The following ZBTB38 variants were observed in gnomAD, a reference collection of about 807,000 sequenced individuals.
ZBTB38 encodes the protein zinc finger and BTB domain-containing protein 38.
Under a neutral mutation model 76.8 loss-of-function variants are expected in ZBTB38, and 20 were observed. The observed-to-expected ratio is 0.26, with a 90% CI of 0.18 to 0.38. The LOEUF is 0.38. Among genes scored for constraint, ZBTB38 ranks in the 10% least tolerant of loss-of-function variants. The pLI, the probability that ZBTB38 is intolerant of heterozygous loss-of-function variation, is 1.00. For missense variants in ZBTB38, 1,082 were observed against 1,482.3 expected, an observed-to-expected ratio of 0.73 and a Z score of 4.43; for synonymous variants, 504 against 544.2, an observed-to-expected ratio of 0.93 and a Z score of 1.03.
intron 4 of ZBTB38, among the ~76,000 whole-genome samples, chr3:141,399,835 A>T (rs1951333660): frequency 6.6e-6 from 1 of 152,196 alleles, no homozygotes. Context: ...CAGTTGTAGG[A>T]TAACAGAAAC....
Position 141,404,518 on chromosome 3 carries a change from C to G in ZBTB38, c.-1+487C>G, listed in dbSNP as rs72988361. Among the ~76,000 whole-genome samples the G allele has an allele frequency of 4.0e-3, 611 of 152,254 alleles. 1 individual carries two copies. The highest frequency in any genetic ancestry group is 7.0e-3 in the Non-Finnish European group (473 of 68,016). ...ATGTGAAGAGACCATCCCCGGGACA[C>G]TTGCAGCTGTCGCAGACAAATATTG... On this transcript the variant is annotated intron_variant, in intron 5 of 5. Coordinates refer to ENST00000321464, the MANE Select transcript of ZBTB38 (RefSeq NM_001376113.1).
chr3:141,387,183 C>T (rs1339083464), intron 4 of ZBTB38: 3 of 152,138 alleles, frequency 2.0e-5, no homozygotes, highest in African/African-American at 7.2e-5. Flanking sequence ...ATTTCAACAT[C>T]ACCTTTCATT....
At position 141,442,171 on chromosome 3, in the gene ZBTB38, T is replaced by C. The variant is rs2080427350; in HGVS notation, c.1-218T>C. Reference sequence around the variant, plus strand: ...GAAGGAGTTCTGGGAGGATTTCCAATGATAACAACTATTAGCAATGGTATG... The same window carrying C: ...GAAGGAGTTCTGGGAGGATTTCCAACGATAACAACTATTAGCAATGGTATG... On this transcript the variant is annotated intron_variant, in intron 5 of 5. Transcript: ENST00000321464. This position sits in a 1 kb window ranked among gnomAD's most constrained non-coding sequence, Gnocchi z 6.4. Among the ~76,000 whole-genome samples the C allele has an allele frequency of 6.6e-6, 1 of 152,022 alleles. No homozygotes were observed. The highest frequency in any genetic ancestry group is 2.1e-4 in the South Asian group (1 of 4,832).
At chr3:141,430,233 T>C (rs1347896540) in intron 5 of ZBTB38, among the ~76,000 whole-genome samples, 3 of 151,778 alleles carry the variant, frequency 2.0e-5, no homozygotes, top group Admixed American at 6.6e-5. Flanking sequence ...ACCCGGCTAA[T>C]TTTTTTTGTA....
intron 4 of ZBTB38, chr3:141,396,285 A>T (rs567759815): frequency 6.6e-6 from 1 of 152,632 alleles, no homozygotes; most frequent in Non-Finnish European, 1.5e-5. Context: ...CCTGGAATAG[A>T]TTCCACCTCA....
chr3:141,429,117 A>G (rs1210376811), intron 5 of ZBTB38, among the ~76,000 whole-genome samples: 2 of 152,340 alleles, frequency 1.3e-5, no homozygotes, highest in South Asian at 2.1e-4. Context: ...TTTTGCAAGC[A>G]GACAGACAAT....
chr3:141,402,256 C>T (rs1163854586), intron 4 of ZBTB38: 4 of 151,908 alleles, frequency 2.6e-5, no homozygotes, highest in Non-Finnish European at 4.4e-5. Flanking sequence ...GCCCGCGGGG[C>T]TGCGGGTCGG....
In ZBTB38 at chr3:141,424,178, T is replaced by C. The variant is rs181544008; in HGVS notation, c.1-18211T>C. 2.6e-5 allele frequency among the ~76,000 whole-genome samples: 4 copies of C among 152,384 alleles called. No individual in the cohort carries two copies. In the East Asian group the frequency reaches 5.8e-4, roughly 22 times the overall value. ...ACACCTTCCTTTCTACCAAGCTTTT[T>C]ACTGGAACAGGTAATAAACAGTGAA... On this transcript the variant is annotated intron_variant, in intron 5 of 5. Coordinates refer to ENST00000321464, the MANE Select transcript of ZBTB38 (RefSeq NM_001376113.1).
intron 4 of ZBTB38, among the ~76,000 whole-genome samples, chr3:141,400,927 C>T (rs1951733315): frequency 2.0e-5 from 3 of 152,214 alleles, no homozygotes; most frequent in African/African-American, 2.4e-5. Context: ...GCCCTACCAC[C>T]TCCCACCTTC....
intron 4 of ZBTB38, among the ~76,000 whole-genome samples, chr3:141,390,739 T>G (rs1188127847): frequency 2.6e-5 from 4 of 152,228 alleles, no homozygotes; most frequent in Admixed American, 1.3e-4. Context: ...ACACATTTAT[T>G]GAGCATCTGC....
chr3:141,342,392 C>A (rs867025696), intron 1 of ZBTB38, among the ~76,000 whole-genome samples: 1,420 of 96,614 alleles, frequency 0.015, no homozygotes, highest in Middle Eastern at 0.024. Context: ...GACTCTGTCT[C>A]AAAAAAAAAA....
At chr3:141,434,634 G>T (rs1286602526) in intron 5 of ZBTB38, among the ~76,000 whole-genome samples, 1 of 152,028 alleles carries the variant, frequency 6.6e-6, no homozygotes, top group Non-Finnish European at 1.5e-5. Context: ...ATTATATAAG[G>T]CTGAAGCATA....
chr3:141,347,775 C>T (rs1481591502), intron 1 of ZBTB38, among the ~76,000 whole-genome samples: 1 of 152,230 alleles, frequency 6.6e-6, no homozygotes, highest in South Asian at 2.1e-4. Flanking sequence ...TGTGGCTGTT[C>T]TCAGTGACCC....
At chr3:141,378,987 T>C (rs1426504046) in intron 2 of ZBTB38, among the ~76,000 whole-genome samples, 1 of 152,202 alleles carries the variant, frequency 6.6e-6, no homozygotes, top group African/African-American at 2.4e-5. Context: ...CTTCACCAAA[T>C]GGGCCCTCCT....
At chr3:141,410,228 T>G (rs1026716292) in intron 5 of ZBTB38, among the ~76,000 whole-genome samples, 2 of 152,192 alleles carry the variant, frequency 1.3e-5, no homozygotes, top group Non-Finnish European at 2.9e-5. Context: ...GACTTTGGGT[T>G]CTGCCTTTAA....
At chr3:141,404,748 T>C (rs1477237523) in intron 5 of ZBTB38, among the ~76,000 whole-genome samples, 1 of 152,126 alleles carries the variant, frequency 6.6e-6, no homozygotes, top group Non-Finnish European at 1.5e-5. Flanking sequence ...AATGTGAAAA[T>C]AGAGACAGGT....
chr3:141,442,422 G>A lies in ZBTB38; in HGVS notation c.34G>A (p.Asp12Asn), dbSNP rs979210544. ...TVMSLSRDLKDDFHSDTVLSI... is the reference protein window; with the variant it reads ...TVMSLSRDLKNDFHSDTVLSI... ...CATGTCCCTTTCCAGGGACCTCAAGGACGACTTTCACAGTGACACGGTACT... is the reference window on the plus strand; with the variant it reads ...CATGTCCCTTTCCAGGGACCTCAAGAACGACTTTCACAGTGACACGGTACT... The change falls in exon 6 of 6, where the codon GAC becomes AAC. Residue 12 changes from aspartate (D) to asparagine (N), a missense_variant. Physicochemically the swap from Asp to Asn is conservative, Grantham distance 23. This residue lies in a region of ZBTB38 where 68 missense variants were observed against 153.0 expected (regional missense o/e 0.44). Transcript: ENST00000321464. The surrounding 1 kb of genome is among the most constrained non-coding windows in gnomAD (Gnocchi z 6.4). 13 of 1,613,874 alleles carry A rather than the reference G, an allele frequency of 8.1e-6. No individual in the cohort carries two copies. Among genetic ancestry groups the A allele is most frequent in the Non-Finnish European group, 1.1e-5 (13 of 1,179,924 alleles).
chr3:141,446,224 A>G lies in ZBTB38; in HGVS notation c.*248A>G, dbSNP rs1298272756. On this transcript the variant is annotated 3_prime_UTR_variant, in exon 6 of 6. Transcript: ENST00000321464. ...ATATCCCAAGTTTCTTGTGAAAGTT[A>G]ATAAAATTCTTAGCTGTGGTATTTC... The G allele has an allele frequency of 6.3e-6, 2 of 319,312 alleles. No individual in the cohort carries two copies. Among genetic ancestry groups the G allele is most frequent in the Non-Finnish European group, 1.1e-5 (2 of 176,746 alleles). The allele number at this position is 319,312 out of a possible 1,614,324, so 19.8% of individuals were successfully genotyped here.
chr3:141,404,811 C>T (rs565540024), intron 5 of ZBTB38, among the ~76,000 whole-genome samples: 1 of 152,190 alleles, frequency 6.6e-6, no homozygotes. Flanking sequence ...TCTGTGGGCA[C>T]AGCTCTGTGC....
Sources: allele counts gnomAD v4.1 joint callset (sites outside exome capture counted in the v4.1 genomes callset), GRCh38; gene constraint gnomAD v4.1.1; regional missense constraint gnomAD v4.1.1; non-coding constraint Gnocchi (gnomAD v3.1); transcripts MANE v1.5; gene names NCBI Gene and HGNC (gene_info 2026-07-23, HGNC 2026-07-21).